Variants in TMEM163 observed in about 807,000 individuals in gnomAD.
TMEM163 encodes transmembrane protein 163.
TMEM163 carries 17 observed loss-of-function variants against 29.3 expected under a neutral mutation model. The ratio of observed to expected loss-of-function variants is 0.58; its 90% CI spans 0.40 to 0.87. The LOEUF (loss-of-function observed/expected upper bound fraction) is 0.87, where lower values mean the gene tolerates loss of function less well. Among genes scored for constraint, TMEM163 ranks in the 40% least tolerant of loss-of-function variants. The pLI, the probability that TMEM163 is intolerant of heterozygous loss-of-function variation, is 0.00. For missense variants in TMEM163, 303 were observed against 381.5 expected (o/e 0.79, Z 1.71); for synonymous variants, 157 against 160.6 (o/e 0.98, Z 0.17).
At chr2:134,718,549 G>C (rs1685088679) in intron 1 of TMEM163, among the ~76,000 whole-genome samples, 185 bp downstream of exon 1, 1 of 152,194 alleles carries the variant, frequency 6.6e-6, no homozygotes, top group African/African-American at 2.4e-5. Context: ...CGCAGCCGAG[G>C]CGGTGCCGGC....
chr2:134,467,076 C>T (rs1341205437), intron 5 of TMEM163: 1 of 152,182 alleles, frequency 6.6e-6, no homozygotes, highest in African/African-American at 2.4e-5. Context: ...CATGTCAGAA[C>T]CTGGGAAGAG....
chr2:134,538,192 G>C (rs1258057050), intron 4 of TMEM163, among the ~76,000 whole-genome samples: 1 of 152,194 alleles, frequency 6.6e-6, no homozygotes, highest in Admixed American at 6.5e-5. Context: ...CTAGGTCACG[G>C]GGCCAGAGCC....
At chr2:134,623,726 C>T (rs1682788968) in intron 2 of TMEM163, among the ~76,000 whole-genome samples, 1 of 152,096 alleles carries the variant, frequency 6.6e-6, no homozygotes, top group South Asian at 2.1e-4. Flanking sequence ...GAGATAGCGC[C>T]ATTGCACTCC....
chr2:134,672,585 C>T (rs1316900574), intron 2 of TMEM163, among the ~76,000 whole-genome samples: 1 of 152,096 alleles, frequency 6.6e-6, no homozygotes, highest in Non-Finnish European at 1.5e-5. Context: ...CTCTGTTGCC[C>T]AGGCTGATCT....
intron 5 of TMEM163, among the ~76,000 whole-genome samples, chr2:134,499,359 C>T (rs1309912761): frequency 6.6e-6 from 1 of 152,216 alleles, no homozygotes; most frequent in African/African-American, 2.4e-5. Context: ...GCACAGGCCA[C>T]ACACATCCCG....
chr2:134,699,972 T>C (rs1684662587), intron 2 of TMEM163, among the ~76,000 whole-genome samples: 1 of 152,370 alleles, frequency 6.6e-6, no homozygotes, highest in Admixed American at 6.5e-5. Context: ...CTTCTATCCC[T>C]ACATTTAAGG....
In TMEM163 at chr2:134,516,576, TATATATATTC is replaced by T. The variant is rs926288343; in HGVS notation, c.459-13589_459-13580del. Reference sequence around the variant, plus strand: ...ACCCTGTCTCAAAAATAAATAAATATATATATATTCATATATATTCATATATATGTTCATA... The same window carrying T: ...ACCCTGTCTCAAAAATAAATAAATATATATATATTCATATATATGTTCATA... On this transcript the variant is annotated intron_variant, in intron 4 of 7. Coordinates refer to ENST00000281924, the MANE Select transcript of TMEM163 (RefSeq NM_030923.5). Among the ~76,000 whole-genome samples, 49 of 149,222 alleles carry T rather than the reference TATATATATTC, an allele frequency of 3.3e-4. 1 individual carries two copies. The East Asian group carries it at 4.3e-3, about 13-fold the overall frequency.
At chr2:134,543,242 C>T (rs1680715037) in intron 4 of TMEM163, among the ~76,000 whole-genome samples, 1 of 152,176 alleles carries the variant, frequency 6.6e-6, no homozygotes, top group African/African-American at 2.4e-5. Flanking sequence ...CAGTGGAGGG[C>T]CACTCCCTTC....
chr2:134,528,080 A>C (rs1558934568), intron 4 of TMEM163, among the ~76,000 whole-genome samples: 2 of 152,154 alleles, frequency 1.3e-5, no homozygotes, highest in African/African-American at 4.8e-5. Context: ...AAAAAGAAAC[A>C]CCTGGTCCTT....
chr2:134,673,317 G>A (rs943585648), intron 2 of TMEM163, among the ~76,000 whole-genome samples: 12 of 152,036 alleles, frequency 7.9e-5, no homozygotes, highest in Non-Finnish European at 2.9e-5. Context: ...TTATACCCGA[G>A]GCTCAGCCAC....
chr2:134,635,959 C>A (rs566573213), intron 2 of TMEM163, among the ~76,000 whole-genome samples: 1 of 152,284 alleles, frequency 6.6e-6, no homozygotes, highest in African/African-American at 2.4e-5. Context: ...TTGTTAAAAT[C>A]CCCCAAACCC....
At chr2:134,615,367 T>C (rs1224782945) in intron 2 of TMEM163, among the ~76,000 whole-genome samples, 1 of 152,186 alleles carries the variant, frequency 6.6e-6, no homozygotes, top group Non-Finnish European at 1.5e-5. Flanking sequence ...GTGGACAATG[T>C]TCCAAAAATA....
intron 2 of TMEM163, among the ~76,000 whole-genome samples, chr2:134,650,693 C>G (rs1683454213): frequency 1.8e-5 from 2 of 109,188 alleles, no homozygotes; most frequent in African/African-American, 3.9e-5. Flanking sequence ...TCCCTCACCC[C>G]TCCCCCCACC....
intron 2 of TMEM163, among the ~76,000 whole-genome samples, chr2:134,621,911 T>TA (rs199674657): frequency 3.3e-5 from 5 of 149,590 alleles, no homozygotes; most frequent in East Asian, 2.0e-4. Context: ...AAATAAAAAA[T>TA]AAAAAAAAAC....
intron 2 of TMEM163, among the ~76,000 whole-genome samples, chr2:134,577,577 G>A (rs1024135020): frequency 1.3e-5 from 2 of 152,188 alleles, no homozygotes; most frequent in African/African-American, 4.8e-5. Context: ...ACAGCCAGAG[G>A]TGCAGGGCCA....
intron 2 of TMEM163, 105 bp from the exon 3 acceptor site, chr2:134,552,196 G>T: frequency 1.1e-6 from 1 of 912,354 alleles, no homozygotes; most frequent in Non-Finnish European, 1.6e-6. Context: ...GAAGTTCCAA[G>T]AGAACAAAAC....
At chr2:134,473,301 C>T (rs1205046325) in intron 5 of TMEM163, among the ~76,000 whole-genome samples, 2 of 152,010 alleles carry the variant, frequency 1.3e-5, no homozygotes, top group African/African-American at 2.4e-5. Context: ...TTTGGGAGTC[C>T]GAGGCAGGTG....
chr2:134,545,750 A>C (rs1245268574), intron 4 of TMEM163, among the ~76,000 whole-genome samples: 1 of 152,010 alleles, frequency 6.6e-6, no homozygotes, highest in African/African-American at 2.4e-5. Context: ...CTCTACCCTA[A>C]ATCTGTGCCA....
chr2:134,618,631 A>G (rs1011856068), intron 2 of TMEM163, among the ~76,000 whole-genome samples: 1 of 152,054 alleles, frequency 6.6e-6, no homozygotes, highest in Non-Finnish European at 1.5e-5. Context: ...AGACCACAAA[A>G]CAAGTCTCAA....
Sources: gnomAD v4.1 joint callset for allele counts (sites outside exome capture counted in the v4.1 genomes callset) on GRCh38, gnomAD v4.1.1 for gene constraint, MANE v1.5 for transcripts, NCBI Gene and HGNC (gene_info 2026-07-23, HGNC 2026-07-21) for gene names.